SLC26A9: variants seen among roughly 807,000 people sequenced by gnomAD.
SLC26A9 encodes anion transporter/exchanger protein 9.
Under a neutral mutation model 87.1 loss-of-function variants are expected in SLC26A9, and 46 were observed. The ratio of observed to expected loss-of-function variants is 0.53; its 90% confidence interval spans 0.42 to 0.67. The LOEUF (loss-of-function observed/expected upper bound fraction) is 0.67, where lower values mean the gene tolerates loss of function less well. Ranked by LOEUF, SLC26A9 falls within the 30% of genes least tolerant of loss-of-function variation. The probability of loss-of-function intolerance (pLI) is 0.00; values close to 1 mark genes in which losing one functional copy is unlikely to be tolerated. For synonymous variants in SLC26A9, 437 were observed against 409.1 expected, an observed-to-expected ratio of 1.07 and a Z score of -0.82; for missense variants, 927 against 1,018.3, an observed-to-expected ratio of 0.91 and a Z score of 1.22.
intron 13 of SLC26A9, among the ~76,000 whole-genome samples, chr1:205,924,101 C>G (rs533142281): frequency 6.6e-6 from 1 of 152,284 alleles, no homozygotes; most frequent in South Asian, 2.1e-4. Flanking sequence ...ATCTCACCAC[C>G]TGCCCTTGCC....
intron 12 of SLC26A9, among the ~76,000 whole-genome samples, chr1:205,924,964 C>CT (rs1659006141): frequency 7.0e-6 from 1 of 143,670 alleles, no homozygotes; most frequent in Non-Finnish European, 1.5e-5. Flanking sequence ...ACCCAGCTAA[C>CT]TTTTTATTTT....
chr1:205,941,815 T>G (rs1659757204), intron 1 of SLC26A9, among the ~76,000 whole-genome samples: 1 of 152,212 alleles, frequency 6.6e-6, no homozygotes, highest in Non-Finnish European at 1.5e-5. Flanking sequence ...CTCCCTGGAA[T>G]GGGCACTTGA....
chr1:205,915,441 G>C, intron 20 of SLC26A9, 37 bp from the exon 21 acceptor site: 3 of 1,613,616 alleles, frequency 1.9e-6, no homozygotes, highest in Non-Finnish European at 2.5e-6. Context: ...GAGGGGAAGA[G>C]AGAGGTTAGA....
rs74144111 is a variant in SLC26A9 at position 205,940,508 on chromosome 1, C to A, written c.-19+2857G>T. 5.4e-3 allele frequency among the ~76,000 whole-genome samples: 818 copies of A among 152,294 alleles called. 7 individuals are homozygous for A. Among genetic ancestry groups the A allele is most frequent in the African/African-American group, 0.018 (768 of 41,556 alleles). Reference sequence around the variant, plus strand: ...GGCCATGGGAAGCATGCAATAAACTCCAACTATCATCATTACTGCTATGAC... The same window carrying A: ...GGCCATGGGAAGCATGCAATAAACTACAACTATCATCATTACTGCTATGAC... On this transcript the variant is annotated intron_variant, in intron 1 of 20. Coordinates refer to ENST00000367135, the MANE Select transcript of SLC26A9 (RefSeq NM_052934.4).
At chr1:205,929,742 C>G in intron 6 of SLC26A9, 150 bp downstream of exon 6, 4 of 1,069,570 alleles carry the variant, frequency 3.7e-6, no homozygotes, top group Non-Finnish European at 5.2e-6. Flanking sequence ...CTTTGACCCT[C>G]CCAAGACAGA....
chr1:205,933,431 T>G (rs1255893430), intron 2 of SLC26A9, among the ~76,000 whole-genome samples: 2 of 152,144 alleles, frequency 1.3e-5, no homozygotes, highest in African/African-American at 4.8e-5. Flanking sequence ...GAGTCCTGTC[T>G]GTCTGATCCC....
intron 1 of SLC26A9, among the ~76,000 whole-genome samples, chr1:205,936,657 A>T (rs1414370711): frequency 6.6e-6 from 1 of 152,040 alleles, no homozygotes; most frequent in Non-Finnish European, 1.5e-5. Context: ...TACCTCCCAG[A>T]GCTGGGAGAA....
chr1:205,914,565 G>C lies in SLC26A9; in HGVS notation c.*792C>G, dbSNP rs1471350111. On this transcript the variant is annotated 3_prime_UTR_variant, in exon 21 of 21. Transcript: ENST00000367135. ...TGCCAGCTACCCATCCCCCTCTTTG[G>C]GGTTTCTAGCCAGCCTCCAGGGGAA... 3.5e-6 allele frequency: 1 copy of C among 287,842 alleles called. No individual in the cohort carries two copies. The highest frequency in any genetic ancestry group is 6.6e-6 in the Non-Finnish European group (1 of 152,500). The allele number at this position is 287,842 out of a possible 1,614,324, so 17.8% of individuals were successfully genotyped here.
At position 205,922,628 on chromosome 1, in the gene SLC26A9, C is replaced by T. The variant is rs116943434; in HGVS notation, c.1773+454G>A. Among the ~76,000 whole-genome samples the T allele has an allele frequency of 3.1e-3, 476 of 152,284 alleles. 7 individuals carry two copies. The highest frequency in any genetic ancestry group is 0.022 in the Admixed American group (329 of 15,298). ...CAAGAAGAAAAATGCCCAGGCTGGGCGCAGTGGCTCAGGCTTGTAATCCCA... is the reference window on the plus strand; with the variant it reads ...CAAGAAGAAAAATGCCCAGGCTGGGTGCAGTGGCTCAGGCTTGTAATCCCA... On this transcript the variant is annotated intron_variant, in intron 16 of 20. Transcript: ENST00000367135.
chr1:205,933,683 A>T (rs760161607), intron 2 of SLC26A9, among the ~76,000 whole-genome samples: 1 of 152,118 alleles, frequency 6.6e-6, no homozygotes, highest in Non-Finnish European at 1.5e-5. Context: ...TTTTTCTTAG[A>T]ACTTCCTTGA....
chr1:205,940,553 T>TGCTCTGCCATCTCTAGTGGGC (rs1229698310), intron 1 of SLC26A9, among the ~76,000 whole-genome samples: 1 of 152,232 alleles, frequency 6.6e-6, no homozygotes, highest in Non-Finnish European at 1.5e-5. Context: ...GCCTCTTTCT[T>TGCTCTGCCATCTCTAGTGGGC]GCTCTGCCAT....
chr1:205,926,444 G>C (rs1659070767), intron 12 of SLC26A9, 91 bp downstream of exon 12: 1 of 1,053,334 alleles, frequency 9.5e-7, no homozygotes, highest in Non-Finnish European at 1.5e-6. Flanking sequence ...GCAGACTAGA[G>C]GGTTCATTGT....
intron 6 of SLC26A9, among the ~76,000 whole-genome samples, chr1:205,929,645 G>C (rs1659227321): frequency 6.6e-6 from 1 of 152,212 alleles, no homozygotes; most frequent in Admixed American, 6.5e-5. Context: ...GGCAGGGAGG[G>C]GTTGAGGCAC....
chr1:205,932,286 C>G (rs1162903099), intron 4 of SLC26A9, among the ~76,000 whole-genome samples: 3 of 152,216 alleles, frequency 2.0e-5, no homozygotes, highest in African/African-American at 7.2e-5. Context: ...GAAATATAAG[C>G]AGAGCCTGAA....
rs1658467359 is a variant in SLC26A9, at chr1:205,913,811, C to T, written c.*1546G>A. 6.6e-6 allele frequency: 1 copy of T among 152,584 alleles called. No homozygotes were observed. The highest frequency in any genetic ancestry group is 1.5e-5 in the Non-Finnish European group (1 of 68,036). 9.5% of individuals were successfully genotyped at this position (152,584 alleles called of 1,614,324 possible). A position where few individuals can be genotyped will look rare whatever the true frequency, so the allele number is the denominator to read the frequency against. ...GTTGGCTCTTGGCCAGCACCCCCTCCTTTAACTCTAAGAAGACTTGTTAGC... is the reference window on the plus strand; with the variant it reads ...GTTGGCTCTTGGCCAGCACCCCCTCTTTTAACTCTAAGAAGACTTGTTAGC... On this transcript the variant is annotated 3_prime_UTR_variant, in exon 21 of 21. Coordinates refer to ENST00000367135, the MANE Select transcript of SLC26A9 (RefSeq NM_052934.4).
intron 1 of SLC26A9, among the ~76,000 whole-genome samples, chr1:205,938,185 C>T (rs2102604271): frequency 6.6e-6 from 1 of 151,940 alleles, no homozygotes; most frequent in East Asian, 1.9e-4. Context: ...ATCCTTGTTC[C>T]TGTCCTCTCC....
At chr1:205,916,866 C>T (rs777395048) in intron 20 of SLC26A9, among the ~76,000 whole-genome samples, 5 of 151,968 alleles carry the variant, frequency 3.3e-5, no homozygotes, top group African/African-American at 9.7e-5. Flanking sequence ...CTTAGGAGAC[C>T]GAGGCAGGCA....
rs752765278 is a variant in SLC26A9 at position 205,928,003 on chromosome 1, T to C, written c.1000A>G (p.Ile334Val). ...SPVVSQWKDM[I>V]GTAFSLAIVS... ...ATGGCTAGGGAGAAGGCTGTGCCTA[T>C]CATGTCCTTCCACTGTGAGACCACA... The change falls in exon 9 of 21, where the codon ATA (isoleucine) becomes GTA (valine). Residue 334 changes from isoleucine (I) to valine (V), a missense_variant. Transcript: ENST00000367135. The C allele has an allele frequency of 1.2e-6, 2 of 1,614,108 alleles. No individual in the cohort carries two copies. Among genetic ancestry groups the C allele is most frequent in the Admixed American group, 3.3e-5 (2 of 60,026 alleles).
At chr1:205,941,231 C>T (rs111581209) in intron 1 of SLC26A9, among the ~76,000 whole-genome samples, 9,476 of 152,138 alleles carry the variant, frequency 0.062, 592 homozygotes, top group African/African-American at 0.16. Context: ...TGCAGTGGCA[C>T]GATCTTGGCT....
Sources: gnomAD v4.1 joint callset for allele counts (sites outside exome capture counted in the v4.1 genomes callset) on GRCh38, gnomAD v4.1.1 for gene constraint, MANE v1.5 for transcripts, NCBI Gene and HGNC (gene_info 2026-07-23, HGNC 2026-07-21) for gene names.